KIAA1549: variants seen among roughly 807,000 people sequenced by gnomAD.
The protein encoded by KIAA1549 is UPF0606 protein KIAA1549.
KIAA1549 carries 70 observed loss-of-function variants against 156.4 expected under a neutral mutation model. The ratio of observed to expected loss-of-function variants is 0.45; its 90% CI spans 0.37 to 0.55. The LOEUF is 0.55. KIAA1549 is among the 20% of genes least tolerant of loss of function. The pLI, the probability that KIAA1549 is intolerant of heterozygous loss-of-function variation, is 0.00. For synonymous variants in KIAA1549, 1,103 were observed against 1,066.4 expected, an observed-to-expected ratio of 1.03 and a Z score of -0.67; for missense variants, 2,428 against 2,540.9, an observed-to-expected ratio of 0.96 and a Z score of 0.96.
Position 138,918,363 on chromosome 7 carries a change from A to G in KIAA1549, c.1263T>C (p.Cys421=), listed in dbSNP as rs1584755914. The G allele has an allele frequency of 6.2e-7, 1 of 1,613,996 alleles. No homozygotes were observed. The change falls in exon 2 of 20, where the codon TGT becomes TGC. Residue 421 remains cysteine, a synonymous_variant. Transcript: ENST00000422774. This position sits in a 1 kb window ranked among gnomAD's most constrained non-coding sequence, Gnocchi z 4.2. ...GAGGTGAAGGCACAGTGCAGGCCGC[A>G]CACCAAGTGTATGGTCTGAATGAGG... The part of the protein sequence containing the change: ...PVSSFRPYTW[C]AACTVPSPQQ...
chr7:138,855,857 C>G (rs933096292), intron 16 of KIAA1549, among the ~76,000 whole-genome samples: 3 of 143,664 alleles, frequency 2.1e-5, no homozygotes, highest in Admixed American at 7.2e-5. Flanking sequence ...TTCTGTTATT[C>G]TCAATGGATG....
chr7:138,838,300 T>G, intron 19 of KIAA1549, 140 bp from the exon 20 acceptor site: 2 of 846,376 alleles, frequency 2.4e-6, no homozygotes, highest in Non-Finnish European at 3.5e-6. Context: ...CTGCTGCCTA[T>G]GCTGCAGGTG....
At chr7:138,888,246 T>C (rs960698999) in intron 10 of KIAA1549, among the ~76,000 whole-genome samples, 3 of 152,184 alleles carry the variant, frequency 2.0e-5, no homozygotes, top group African/African-American at 4.8e-5. Context: ...GGTGAAAAGG[T>C]CCATGTTTAC....
chr7:138,940,826 T>C (rs965205874), intron 1 of KIAA1549, among the ~76,000 whole-genome samples: 4 of 152,222 alleles, frequency 2.6e-5, no homozygotes, highest in Non-Finnish European at 4.4e-5. Flanking sequence ...TTGAGAAGTG[T>C]CTGTTCATAT....
chr7:138,958,453 C>G (rs1813736081), intron 1 of KIAA1549, among the ~76,000 whole-genome samples: 1 of 152,194 alleles, frequency 6.6e-6, no homozygotes, highest in Non-Finnish European at 1.5e-5. Context: ...ACTCCTACAG[C>G]CTGGATCCCC....
At chr7:138,961,042 C>T (rs1362457109) in intron 1 of KIAA1549, among the ~76,000 whole-genome samples, 2 of 152,220 alleles carry the variant, frequency 1.3e-5, no homozygotes, top group African/African-American at 4.8e-5. Flanking sequence ...TGCAGGCCAT[C>T]GGACAGCACA....
chr7:138,931,953 T>C (rs1055934907), intron 1 of KIAA1549, among the ~76,000 whole-genome samples: 3 of 152,148 alleles, frequency 2.0e-5, no homozygotes, highest in African/African-American at 7.2e-5. Context: ...TTTAAGACCA[T>C]GTGTTCCTGG....
chr7:138,971,150 C>T (rs765902712), intron 1 of KIAA1549, among the ~76,000 whole-genome samples: 3 of 152,198 alleles, frequency 2.0e-5, no homozygotes, highest in Non-Finnish European at 4.4e-5. Context: ...GCCTGGACTG[C>T]GACCAAGACT....
intron 1 of KIAA1549, among the ~76,000 whole-genome samples, chr7:138,955,555 C>T (rs55868234): frequency 0.13 from 19,045 of 151,590 alleles, 1,543 homozygotes; most frequent in African/African-American, 0.23. Context: ...ATGGTGGTGA[C>T]GATGGCACAG....
At chr7:138,882,143 C>G (rs151278598) in intron 10 of KIAA1549, among the ~76,000 whole-genome samples, 1 of 152,220 alleles carries the variant, frequency 6.6e-6, no homozygotes, top group Non-Finnish European at 1.5e-5. Context: ...CATTTCTAAA[C>G]AGGCAGATTT....
chr7:138,902,792 G>A (rs1483953910), intron 8 of KIAA1549, among the ~76,000 whole-genome samples: 1 of 152,104 alleles, frequency 6.6e-6, no homozygotes, highest in Non-Finnish European at 1.5e-5. Flanking sequence ...CTGGGCGACA[G>A]AGCGAGACTC....
chr7:138,917,352 T>G lies in KIAA1549; in HGVS notation c.2274A>C (p.Ser758=). The G allele has an allele frequency of 6.2e-7, 1 of 1,613,810 alleles. No homozygotes were observed. Among genetic ancestry groups the G allele is most frequent in the Non-Finnish European group, 8.5e-7 (1 of 1,179,852 alleles). The change falls in exon 2 of 20, where the codon TCA becomes TCC. Residue 758 remains serine, a synonymous_variant. Coordinates refer to ENST00000422774, the MANE Select transcript of KIAA1549 (RefSeq NM_001164665.2). The stretch of plus-strand genomic sequence containing the variant: ...TGACTGCGGATTCATGGGAAATGAG[T>G]GAAGACTCAAGATAGGAGGTAGTTT... ...FIETTSYLES[S]LISHESAVTA...
At chr7:138,909,202 C>T (rs535929993) in intron 4 of KIAA1549, 81 bp from the exon 5 acceptor site, 17 of 1,424,468 alleles carry the variant, frequency 1.2e-5, no homozygotes, top group African/African-American at 4.2e-5. Flanking sequence ...AGAGAAACAT[C>T]GTATCTAAAT....
intron 12 of KIAA1549, among the ~76,000 whole-genome samples, chr7:138,875,680 A>G (rs914588729): frequency 6.6e-5 from 10 of 152,238 alleles, no homozygotes; most frequent in African/African-American, 2.4e-4. Context: ...AGAACAGGAT[A>G]ATGTCAACAA....
chr7:138,865,475 T>TA (rs765546540), intron 15 of KIAA1549, among the ~76,000 whole-genome samples: 3 of 151,920 alleles, frequency 2.0e-5, no homozygotes, highest in Non-Finnish European at 2.9e-5. Context: ...CCACTGATTC[T>TA]AAAATACAAG....
At position 138,981,148 on chromosome 7, in the gene KIAA1549, C is replaced by T; in HGVS notation, c.122G>A (p.Arg41His). 1 of 1,144,580 alleles carries T rather than the reference C, an allele frequency of 8.7e-7. No homozygotes were observed. Among genetic ancestry groups the T allele is most frequent in the Non-Finnish European group, 1.1e-6 (1 of 924,130 alleles). The allele number at this position is 1,144,580 out of a possible 1,614,324, so 70.9% of individuals were successfully genotyped here. The change falls in exon 1 of 20, where the codon CGC becomes CAC. Residue 41 changes from arginine (R) to histidine (H), a missense_variant. Arg to His is a conservative substitution (Grantham distance 29, BLOSUM62 0). Transcript: ENST00000422774. This position sits in a 1 kb window ranked among gnomAD's most constrained non-coding sequence, Gnocchi z 4.5. ...GAGGCCAGGAAGCAGCAGCCCCGGGCGGCGGCGGCGGGCGCAGCGGGCGGA... is the reference window on the plus strand; with the variant it reads ...GAGGCCAGGAAGCAGCAGCCCCGGGTGGCGGCGGCGGGCGCAGCGGGCGGA... ...RPSARCARRRRPGLLLPGLWL... is the reference protein window; with the variant it reads ...RPSARCARRRHPGLLLPGLWL...
At position 138,887,940 on chromosome 7, in the gene KIAA1549, A is replaced by G. The variant is rs566598818; in HGVS notation, c.4033-6356T>C. Among the ~76,000 whole-genome samples, 263 of 152,198 alleles carry G rather than the reference A, an allele frequency of 1.7e-3. 1 individual carries two copies. Among genetic ancestry groups the G allele is most frequent in the African/African-American group, 5.9e-3 (244 of 41,516 alleles). Reference sequence around the variant, plus strand: ...TCTCCCAGCCATTGAAGAACAGTTCACTCCCGCAGAAGAATACAAGGAGAA... The same window carrying G: ...TCTCCCAGCCATTGAAGAACAGTTCGCTCCCGCAGAAGAATACAAGGAGAA... On this transcript the variant is annotated intron_variant, in intron 10 of 19. Transcript: ENST00000422774.
intron 1 of KIAA1549, among the ~76,000 whole-genome samples, chr7:138,926,657 T>C (rs928683773): frequency 6.6e-6 from 1 of 152,142 alleles, no homozygotes; most frequent in African/African-American, 2.4e-5. Flanking sequence ...AACCATCCTT[T>C]CCCCTTCTCC....
At chr7:138,962,678 A>G (rs1194503166) in intron 1 of KIAA1549, among the ~76,000 whole-genome samples, 2 of 152,172 alleles carry the variant, frequency 1.3e-5, no homozygotes, top group Non-Finnish European at 2.9e-5. Context: ...GAACACAGCC[A>G]AGTGAGTGAC....
Sources: gnomAD v4.1 joint callset for allele counts (sites outside exome capture counted in the v4.1 genomes callset) on GRCh38, gnomAD v4.1.1 for gene constraint, Gnocchi (gnomAD v3.1) non-coding constraint, MANE v1.5 for transcripts, NCBI Gene and HGNC (gene_info 2026-07-23, HGNC 2026-07-21) for gene names.